Variants in USP12 observed in about 807,000 individuals in gnomAD.
USP12 encodes the protein ubiquitin carboxyl-terminal hydrolase 12.
A neutral mutation model predicts 45.5 loss-of-function variants in USP12; 19 were observed. The ratio of observed to expected loss-of-function variants is 0.42; its 90% CI spans 0.29 to 0.61. USP12 has a LOEUF of 0.61. Ranked by LOEUF, USP12 falls within the 20% of genes least tolerant of loss-of-function variation. The pLI is 0.22. For missense variants in USP12, 242 were observed against 447.7 expected (o/e 0.54, Z 4.15); for synonymous variants, 149 against 148.8 (o/e 1.00, Z -0.01).
At chr13:27,140,626 G>T (rs1877011570) in intron 1 of USP12, among the ~76,000 whole-genome samples, 1 of 152,078 alleles carries the variant, frequency 6.6e-6, no homozygotes, top group African/African-American at 2.4e-5. Context: ...AATTTTATAA[G>T]TAACAAAACT....
chr13:27,130,084 C>G (rs1359583120), intron 1 of USP12, among the ~76,000 whole-genome samples: 1 of 152,200 alleles, frequency 6.6e-6, no homozygotes, highest in African/African-American at 2.4e-5. Flanking sequence ...CTACTATTCC[C>G]TACTCCTCAG....
At chr13:27,076,029 CA>C (rs11458818) in intron 6 of USP12, among the ~76,000 whole-genome samples, 86 of 98,004 alleles carry the variant, frequency 8.8e-4, no homozygotes, top group Admixed American at 3.6e-3. Context: ...GGCTCCGTCT[CA>C]AAAAAAAAAA....
chr13:27,131,980 C>T (rs1380225082), intron 1 of USP12, among the ~76,000 whole-genome samples: 2 of 152,180 alleles, frequency 1.3e-5, no homozygotes, highest in Non-Finnish European at 2.9e-5. Context: ...ATTTTTATTA[C>T]GTGTCACTGG....
chr13:27,103,206 T>C lies in USP12; in HGVS notation c.343+2525A>G, dbSNP rs535891771. On this transcript the variant is annotated intron_variant, in intron 3 of 8. Transcript: ENST00000282344. ...ATCTACCAGTGAAAGTCAGTGGAAA[T>C]ACTGAAATGAGTAACATACTTTCCA... 1.0e-3 allele frequency among the ~76,000 whole-genome samples: 152 copies of C among 152,254 alleles called. 1 individual carries two copies. Among genetic ancestry groups the C allele is most frequent in the African/African-American group, 3.4e-3 (142 of 41,554 alleles).
At chr13:27,154,898 C>A (rs1877746437) in intron 1 of USP12, among the ~76,000 whole-genome samples, 1 of 152,016 alleles carries the variant, frequency 6.6e-6, no homozygotes. Flanking sequence ...CCAGTCATGG[C>A]TGGCTTTGAA....
chr13:27,067,318 T>C lies in USP12; in HGVS notation c.*1965A>G, dbSNP rs1028776173. On this transcript the variant is annotated 3_prime_UTR_variant, in exon 9 of 9. Coordinates refer to ENST00000282344, the MANE Select transcript of USP12 (RefSeq NM_182488.4). ...AATACAGCTTTAATTCCAAGACAAT[T>C]TGGTTTAAGCCTTCAAAATAAAAAG... 6.6e-6 allele frequency: 1 copy of C among 152,126 alleles called. No homozygotes were observed. The highest frequency in any genetic ancestry group is 2.4e-5 in the African/African-American group (1 of 41,434). 9.4% of individuals were successfully genotyped at this position (152,126 alleles called of 1,614,324 possible).
chr13:27,066,806 TCA>T lies in USP12; in HGVS notation c.*2475_*2476del, dbSNP rs1001163195. The stretch of plus-strand genomic sequence containing the variant: ...AACTTACACCAGCCCCGCATTTTAA[TCA>T]CAGTCAACCAACATACAACCTCACG... On this transcript the variant is annotated 3_prime_UTR_variant, in exon 9 of 9. Coordinates refer to ENST00000282344, the MANE Select transcript of USP12 (RefSeq NM_182488.4). 1 of 152,248 alleles carries T rather than the reference TCA, an allele frequency of 6.6e-6. No homozygotes were observed. Among genetic ancestry groups the T allele is most frequent in the Non-Finnish European group, 1.5e-5 (1 of 68,044 alleles). The allele number at this position is 152,248 out of a possible 1,614,324, so 9.4% of individuals were successfully genotyped here.
intron 1 of USP12, among the ~76,000 whole-genome samples, chr13:27,145,553 T>G (rs1877272403): frequency 6.6e-6 from 1 of 152,218 alleles, no homozygotes; most frequent in South Asian, 2.1e-4. Context: ...AGCTCCCACA[T>G]TAACTTCAAT....
intron 2 of USP12, among the ~76,000 whole-genome samples, chr13:27,108,226 C>T (rs1399121007): frequency 6.6e-6 from 1 of 151,984 alleles, no homozygotes; most frequent in African/African-American, 2.4e-5. Flanking sequence ...AGTTCATGTC[C>T]TTTGTAGGGA....
intron 2 of USP12, 26 bp from the exon 3 acceptor site, chr13:27,105,970 T>C (rs1317229643): frequency 1.3e-6 from 2 of 1,576,854 alleles, no homozygotes; most frequent in Admixed American, 3.8e-5. Context: ...AAAAGTTTTG[T>C]TAAATTTAGG....
At chr13:27,149,643 C>T (rs886098895) in intron 1 of USP12, among the ~76,000 whole-genome samples, 1 of 151,938 alleles carries the variant, frequency 6.6e-6, no homozygotes, top group African/African-American at 2.4e-5. Flanking sequence ...GGAGGAGTAG[C>T]CAAGGGGTGG....
At chr13:27,124,132 C>T (rs1489426713) in intron 1 of USP12, among the ~76,000 whole-genome samples, 4 of 152,140 alleles carry the variant, frequency 2.6e-5, no homozygotes, top group Admixed American at 2.6e-4. Flanking sequence ...GGAAAACATA[C>T]AACTAACTAC....
At chr13:27,136,440 G>A (rs1254350333) in intron 1 of USP12, among the ~76,000 whole-genome samples, 1 of 152,202 alleles carries the variant, frequency 6.6e-6, no homozygotes, top group Admixed American at 6.5e-5. Flanking sequence ...GGAGGTTGCA[G>A]GGAACCAAGA....
chr13:27,161,174 T>C (rs537100231), intron 1 of USP12, among the ~76,000 whole-genome samples: 2 of 152,216 alleles, frequency 1.3e-5, no homozygotes, highest in South Asian at 4.1e-4. Context: ...ATTAAGCAAA[T>C]TAAACAAACA....
chr13:27,128,087 T>C (rs983509370), intron 1 of USP12, among the ~76,000 whole-genome samples: 2 of 152,208 alleles, frequency 1.3e-5, no homozygotes, highest in Non-Finnish European at 1.5e-5. Flanking sequence ...AGAGAATATT[T>C]AGAGAGAACA....
At chr13:27,141,099 ACCT>A (rs1398592493) in intron 1 of USP12, among the ~76,000 whole-genome samples, 1 of 149,932 alleles carries the variant, frequency 6.7e-6, no homozygotes, top group African/African-American at 2.5e-5. Context: ...CATTGCAACA[ACCT>A]CCTCCCAGGT....
At chr13:27,095,157 T>C (rs972934132) in intron 4 of USP12, among the ~76,000 whole-genome samples, 3 of 152,116 alleles carry the variant, frequency 2.0e-5, no homozygotes, top group East Asian at 3.9e-4. Flanking sequence ...AGCTTCATCT[T>C]TACAAAGTGT....
chr13:27,075,887 G>A (rs1403476867), intron 6 of USP12, among the ~76,000 whole-genome samples: 9 of 152,066 alleles, frequency 5.9e-5, no homozygotes, highest in East Asian at 5.8e-4. Flanking sequence ...AAAAATAGCC[G>A]GGCATAGTGG....
At chr13:27,091,126 G>T (rs1305052841) in intron 4 of USP12, among the ~76,000 whole-genome samples, 2 of 152,010 alleles carry the variant, frequency 1.3e-5, no homozygotes, top group African/African-American at 4.8e-5. Context: ...CAAAAAGTCT[G>T]GTGAAAAAGA....
Sources: allele counts gnomAD v4.1 joint callset (sites outside exome capture counted in the v4.1 genomes callset), GRCh38; gene constraint gnomAD v4.1.1; transcripts MANE v1.5; gene names NCBI Gene and HGNC (gene_info 2026-07-23, HGNC 2026-07-21).